Variants in CNOT2 observed in about 807,000 individuals in gnomAD.
The protein encoded by CNOT2 is CC chemokine receptor 4-negative regulator of transcription 2.
CNOT2 carries 7 observed loss-of-function variants against 72.1 expected under a neutral mutation model. The ratio of observed to expected loss-of-function variants is 0.10; its 90% CI spans 0.06 to 0.18. The LOEUF is 0.18. CNOT2 is among the 10% of genes least tolerant of loss of function. The pLI, the probability that CNOT2 is intolerant of heterozygous loss-of-function variation, is 1.00. For synonymous variants in CNOT2, 196 were observed against 225.6 expected, an observed-to-expected ratio of 0.87 and a Z score of 1.17; for missense variants, 345 against 660.3, an observed-to-expected ratio of 0.52 and a Z score of 5.23.
Position 70,277,073 on chromosome 12 carries a change from A to G in CNOT2, c.-95-1059A>G, listed in dbSNP as rs555673197. 1.6e-4 allele frequency among the ~76,000 whole-genome samples: 24 copies of G among 152,194 alleles called. 1 individual carries two copies. The highest frequency in any genetic ancestry group is 3.4e-3 in the Middle Eastern group (1 of 294). On this transcript the variant is annotated intron_variant, in intron 1 of 15. Transcript: ENST00000229195. ...TTCTAATTCACTCTCCTTATAAATT[A>G]TAGATTAGATGTTATCTCCTCACAA... is the stretch of plus-strand genomic sequence containing the variant.
At chr12:70,330,241 G>T (rs182431151) in intron 5 of CNOT2, 46 bp from the exon 6 acceptor site, 13 of 859,048 alleles carry the variant, frequency 1.5e-5, no homozygotes, top group Admixed American at 1.2e-4. Context: ...GAATTTTAAT[G>T]AGTGATTGTA....
chr12:70,343,983 T>C (rs1881840827), intron 13 of CNOT2, 145 bp from the exon 14 acceptor site: 2 of 483,004 alleles, frequency 4.1e-6, no homozygotes, highest in Non-Finnish European at 7.3e-6. Context: ...TAACTACCTA[T>C]CTGTGTAATC....
chr12:70,276,823 A>G lies in CNOT2; in HGVS notation c.-95-1309A>G, dbSNP rs150356616. 3.3e-5 allele frequency among the ~76,000 whole-genome samples: 5 copies of G among 152,182 alleles called. No homozygotes were observed. In the East Asian group the frequency reaches 9.6e-4, roughly 29 times the overall value. On this transcript the variant is annotated intron_variant, in intron 1 of 15. Transcript: ENST00000229195. ...TGACTGAAGTATTTTGGCTAAACGT[A>G]CACTGTAAGATAGTCAGACTTAAGT...
intron 2 of CNOT2, among the ~76,000 whole-genome samples, chr12:70,292,811 T>C (rs1404367241): frequency 6.6e-6 from 1 of 152,204 alleles, no homozygotes; most frequent in African/African-American, 2.4e-5. Flanking sequence ...TAGCACTGTG[T>C]GTAGTAGATG....
chr12:70,308,985 G>T (rs1364950975), intron 2 of CNOT2, among the ~76,000 whole-genome samples: 1 of 152,142 alleles, frequency 6.6e-6, no homozygotes, highest in African/African-American at 2.4e-5. Flanking sequence ...ATAATTAAAT[G>T]TATCTTTAAC....
At chr12:70,261,616 A>T (rs1423946484) in intron 1 of CNOT2, among the ~76,000 whole-genome samples, 1 of 151,512 alleles carries the variant, frequency 6.6e-6, no homozygotes, top group Non-Finnish European at 1.5e-5. Context: ...ACGCCTGGCC[A>T]GTTTTTGTGC....
intron 1 of CNOT2, among the ~76,000 whole-genome samples, chr12:70,265,529 CT>C (rs1398243016): frequency 6.6e-6 from 1 of 151,792 alleles, no homozygotes; most frequent in Non-Finnish European, 1.5e-5. Flanking sequence ...TAGTTTCTGA[CT>C]TTTTTCTTTG....
At chr12:70,298,034 T>A (rs2135897745) in intron 2 of CNOT2, among the ~76,000 whole-genome samples, 1 of 152,352 alleles carries the variant, frequency 6.6e-6, no homozygotes, top group Admixed American at 6.5e-5. Context: ...CCACTGCACC[T>A]GGTGGATAAT....
At chr12:70,305,383 TC>T (rs1875087668) in intron 2 of CNOT2, among the ~76,000 whole-genome samples, 2 of 152,252 alleles carry the variant, frequency 1.3e-5, no homozygotes, top group African/African-American at 4.8e-5. Context: ...TTCAGTCACC[TC>T]CCACGGGGTT....
At chr12:70,275,942 A>C (rs757376702) in intron 1 of CNOT2, among the ~76,000 whole-genome samples, 1 of 152,078 alleles carries the variant, frequency 6.6e-6, no homozygotes, top group Non-Finnish European at 1.5e-5. Flanking sequence ...CAGTGTCTTC[A>C]GTCATTTTTC....
At chr12:70,304,546 T>A (rs2135932350) in intron 2 of CNOT2, among the ~76,000 whole-genome samples, 1 of 152,334 alleles carries the variant, frequency 6.6e-6, no homozygotes, top group East Asian at 1.9e-4. Context: ...TGCTGCTGCC[T>A]GATCATTCCT....
intron 1 of CNOT2, among the ~76,000 whole-genome samples, chr12:70,272,215 G>C (rs78269306): frequency 0.023 from 3,434 of 152,192 alleles, 80 homozygotes; most frequent in Admixed American, 0.047. Context: ...ACTTATTGTA[G>C]GTACTTGTGA....
intron 2 of CNOT2, among the ~76,000 whole-genome samples, chr12:70,279,428 T>A (rs913360509): frequency 7.2e-5 from 11 of 152,218 alleles, no homozygotes; most frequent in African/African-American, 2.4e-4. Context: ...CAGATCTTTA[T>A]GATTTTAATA....
intron 3 of CNOT2, among the ~76,000 whole-genome samples, chr12:70,317,005 G>A (rs1877453764): frequency 6.6e-6 from 1 of 152,160 alleles, no homozygotes; most frequent in Admixed American, 6.6e-5. Context: ...TCTAAGTCAT[G>A]CATTTATGTT....
chr12:70,255,293 G>C (rs1055572656), intron 1 of CNOT2, among the ~76,000 whole-genome samples: 1 of 151,962 alleles, frequency 6.6e-6, no homozygotes. Flanking sequence ...TGTATTTTTT[G>C]TGAACATCGT....
chr12:70,330,527 T>G, intron 6 of CNOT2, 58 bp downstream of exon 6: 2 of 1,184,020 alleles, frequency 1.7e-6, no homozygotes, highest in East Asian at 5.1e-5. Context: ...CAGATTTGCC[T>G]TTTCATATTT....
intron 2 of CNOT2, among the ~76,000 whole-genome samples, chr12:70,310,531 G>A (rs931226749): frequency 2.0e-5 from 3 of 152,054 alleles, no homozygotes; most frequent in African/African-American, 7.2e-5. Context: ...ATACACAAAT[G>A]TGGAAGATGC....
chr12:70,250,886 A>G (rs187620318), intron 1 of CNOT2, among the ~76,000 whole-genome samples: 187 of 152,294 alleles, frequency 1.2e-3, no homozygotes, highest in African/African-American at 4.3e-3. Context: ...CTTTCACTTC[A>G]GAAAATATTG....
intron 2 of CNOT2, among the ~76,000 whole-genome samples, chr12:70,295,162 G>A (rs190270714): frequency 2.0e-5 from 3 of 152,192 alleles, no homozygotes; most frequent in East Asian, 1.9e-4. Context: ...CATGTTCATT[G>A]ATTTATAGAT....
Sources: allele counts gnomAD v4.1 joint callset (sites outside exome capture counted in the v4.1 genomes callset), GRCh38; gene constraint gnomAD v4.1.1; transcripts MANE v1.5; gene names NCBI Gene and HGNC (gene_info 2026-07-23, HGNC 2026-07-21).